FAM135A: variants seen among roughly 807,000 people sequenced by gnomAD.
FAM135A encodes the protein family with sequence similarity 135 member A, also known as protein FAM135A.
In FAM135A, 79 loss-of-function variants were observed where a neutral mutation model predicts 146.8. The observed-to-expected ratio is 0.54, with a 90% CI of 0.45 to 0.65. The LOEUF (loss-of-function observed/expected upper bound fraction) is 0.65, where lower values mean the gene tolerates loss of function less well. Ranked by LOEUF, FAM135A falls within the 30% of genes least tolerant of loss-of-function variation. FAM135A has a pLI of 0.00. For missense variants in FAM135A, 1,623 were observed against 1,758.2 expected (o/e 0.92, Z 1.38); for synonymous variants, 562 against 603.6 (o/e 0.93, Z 1.01).
At chr6:70,528,520 G>C in intron 16 of FAM135A, 68 bp downstream of exon 16, 1 of 1,325,450 alleles carries the variant, frequency 7.5e-7, no homozygotes, top group Non-Finnish European at 9.8e-7. Flanking sequence ...ATCTCATTTA[G>C]TTTCATTTAG....
intron 20 of FAM135A, among the ~76,000 whole-genome samples, chr6:70,545,354 T>C (rs1208810502): frequency 2.0e-5 from 3 of 152,194 alleles, no homozygotes; most frequent in Admixed American, 2.0e-4. Flanking sequence ...GGCTCATGCA[T>C]GTAATCCCAG....
rs149282856 is a variant in FAM135A at position 70,525,293 on chromosome 6, C to T, written c.2209C>T (p.Pro737Ser). ...ESLTKLRSNL[P>S]APSTKEYHVV... is the part of the protein sequence containing the mutation. ...ATTAACTAAATTACGAAGTAATCTA[C>T]CTGCCCCTTCTACAAAAGAATATCA... is the stretch of plus-strand genomic sequence containing the variant. Residue 737 changes from proline to serine, a missense_variant, in exon 15 of 22, where the codon CCT becomes TCT. Transcript: ENST00000418814. 1.4e-5 allele frequency: 22 copies of T among 1,607,434 alleles called. No individual in the cohort carries two copies. Among genetic ancestry groups the T allele is most frequent in the Admixed American group, 1.2e-4 (7 of 59,060 alleles).
chr6:70,536,085 TTC>T (rs1280861055), intron 18 of FAM135A, 173 bp from the exon 19 acceptor site: 3 of 544,714 alleles, frequency 5.5e-6, no homozygotes, highest in Admixed American at 7.4e-5. Context: ...CTTCTATACA[TTC>T]TCACATTTTT....
intron 2 of FAM135A, among the ~76,000 whole-genome samples, chr6:70,421,072 C>G (rs1409082915): frequency 6.6e-6 from 1 of 151,996 alleles, no homozygotes; most frequent in South Asian, 2.1e-4. Flanking sequence ...TATAGAGACA[C>G]GGTTTTGCCA....
intron 4 of FAM135A, among the ~76,000 whole-genome samples, chr6:70,441,265 A>G (rs550843997): frequency 2.0e-5 from 3 of 152,036 alleles, no homozygotes; most frequent in South Asian, 2.1e-4. Context: ...GCACGCACCT[A>G]TAATCCCAGC....
In FAM135A at chr6:70,525,155, A is replaced by T. The variant is rs1458228486; in HGVS notation, c.2071A>T (p.Asn691Tyr). 1.3e-6 allele frequency: 2 copies of T among 1,578,244 alleles called. No individual in the cohort carries two copies. Among genetic ancestry groups the T allele is most frequent in the Non-Finnish European group, 1.7e-6 (2 of 1,166,418 alleles). The change falls in exon 15 of 22, where the codon AAT becomes TAT. Residue 691 changes from asparagine (N) to tyrosine (Y), a missense_variant. Around this residue, in one of 7 missense-constraint regions of FAM135A, gnomAD observed 1,061 missense variants for 1,113.8 expected, o/e 0.95. Coordinates refer to ENST00000418814, the MANE Select transcript of FAM135A (RefSeq NM_001162529.3). ...ELRQEEILVD[N>Y]LLPNFESLES... Reference sequence around the variant, plus strand: ...TCGACAAGAGGAAATACTTGTGGATAATTTACTACCCAACTTTGAGTCCTT... The same window carrying T: ...TCGACAAGAGGAAATACTTGTGGATTATTTACTACCCAACTTTGAGTCCTT...
intron 5 of FAM135A, among the ~76,000 whole-genome samples, chr6:70,464,395 C>T (rs1408023528): frequency 6.6e-6 from 1 of 152,060 alleles, no homozygotes; most frequent in African/African-American, 2.4e-5. Context: ...TTTATGACTG[C>T]CTACTATGTG....
At chr6:70,416,187 T>A (rs1308773846) in intron 2 of FAM135A, among the ~76,000 whole-genome samples, 3 of 152,210 alleles carry the variant, frequency 2.0e-5, no homozygotes, top group Non-Finnish European at 4.4e-5. Context: ...AAGCAGCAGT[T>A]CTAATGTACT....
chr6:70,552,467 T>A (rs1366361936), intron 20 of FAM135A, among the ~76,000 whole-genome samples: 1 of 13,058 alleles, frequency 7.7e-5, no homozygotes, highest in African/African-American at 5.8e-4. Context: ...TGAAGATTCT[T>A]TTTTTTTTTT....
chr6:70,494,734 C>T (rs1056691677), intron 11 of FAM135A, among the ~76,000 whole-genome samples: 5 of 151,972 alleles, frequency 3.3e-5, no homozygotes, highest in Non-Finnish European at 5.9e-5. Context: ...TTCAGAACTG[C>T]GGTATCATGA....
intron 11 of FAM135A, among the ~76,000 whole-genome samples, chr6:70,495,883 C>T (rs180704328): frequency 1.4e-3 from 206 of 152,184 alleles, no homozygotes; most frequent in Non-Finnish European, 2.1e-3. Flanking sequence ...TGAGAACATG[C>T]GGTGTTTGGT....
At chr6:70,540,529 G>A (rs1797725951) in intron 20 of FAM135A, among the ~76,000 whole-genome samples, 2 of 151,878 alleles carry the variant, frequency 1.3e-5, no homozygotes, top group South Asian at 4.1e-4. Flanking sequence ...GTTTCACCAT[G>A]TTAGCCAGGC....
chr6:70,462,644 G>A (rs897902691), intron 5 of FAM135A, among the ~76,000 whole-genome samples: 21 of 151,646 alleles, frequency 1.4e-4, no homozygotes, highest in Middle Eastern at 6.8e-3. Context: ...AAAAAATGCA[G>A]CTATTGGTAT....
At position 70,468,696 on chromosome 6, in the gene FAM135A, G is replaced by C. The variant is rs1003332749; in HGVS notation, c.158-6714G>C. ...ATTTTACAGTTCTTGAAATGACATAGAAGACTCTTGTCTGTCTCCTTCCTA... is the reference window on the plus strand; with the variant it reads ...ATTTTACAGTTCTTGAAATGACATACAAGACTCTTGTCTGTCTCCTTCCTA... On this transcript the variant is annotated intron_variant, in intron 5 of 21. Coordinates refer to ENST00000418814, the MANE Select transcript of FAM135A (RefSeq NM_001162529.3). 3.9e-5 allele frequency among the ~76,000 whole-genome samples: 6 copies of C among 152,182 alleles called. No homozygotes were observed. The South Asian group carries it at 1.0e-3, about 26-fold the overall frequency.
chr6:70,556,910 C>G, intron 21 of FAM135A, 47 bp downstream of exon 21: 1 of 1,518,434 alleles, frequency 6.6e-7, no homozygotes, highest in South Asian at 1.1e-5. Flanking sequence ...TTAATGAGCT[C>G]TTTCCAAAAT....
chr6:70,536,085 T>G, intron 18 of FAM135A, 175 bp from the exon 19 acceptor site: 1 of 544,832 alleles, frequency 1.8e-6, no homozygotes, highest in Non-Finnish European at 3.1e-6. Flanking sequence ...CTTCTATACA[T>G]TCTCACATTT....
chr6:70,430,288 C>A (rs891027898), intron 4 of FAM135A, among the ~76,000 whole-genome samples: 6 of 151,552 alleles, frequency 4.0e-5, no homozygotes, highest in African/African-American at 1.5e-4. Flanking sequence ...AGTGAGCCGA[C>A]ACGGTGCCAC....
chr6:70,502,835 A>G (rs1788886058), intron 12 of FAM135A, 44 bp downstream of exon 12: 1 of 1,550,366 alleles, frequency 6.5e-7, no homozygotes, highest in Non-Finnish European at 8.7e-7. Context: ...AATGAGTATT[A>G]TTTACCTTTA....
rs963139068 is a variant in FAM135A at position 70,540,302 on chromosome 6, T to C, written c.4228+1901T>C. 2.4e-4 allele frequency among the ~76,000 whole-genome samples: 36 copies of C among 151,418 alleles called. No homozygotes were observed. In the Middle Eastern group the frequency reaches 0.014, roughly 58 times the overall value. ...CCTTCTCATCTGCTTTTTAGACTCA[T>C]TTATGATTCCTGCTACTTTTTTTTT... On this transcript the variant is annotated intron_variant, in intron 20 of 21. Coordinates refer to ENST00000418814, the MANE Select transcript of FAM135A (RefSeq NM_001162529.3).
Sources: gnomAD v4.1 joint callset for allele counts (sites outside exome capture counted in the v4.1 genomes callset) on GRCh38, gnomAD v4.1.1 for gene constraint, gnomAD v4.1.1 regional missense constraint, MANE v1.5 for transcripts, NCBI Gene and HGNC (gene_info 2026-07-23, HGNC 2026-07-21) for gene names.